Variants in SUPT3H observed in about 807,000 individuals in gnomAD.
SUPT3H encodes the protein SPT3 homolog, SAGA and STAGA complex component.
SUPT3H carries 44 observed loss-of-function variants against 44.3 expected under a neutral mutation model. The ratio of observed to expected loss-of-function variants is 0.99; its 90% confidence interval spans 0.78 to 1.28. The LOEUF (loss-of-function observed/expected upper bound fraction) is 1.28. Among genes scored for constraint, SUPT3H ranks in the 50% most tolerant of loss-of-function variants. The probability of loss-of-function intolerance (pLI) is 0.00; values close to 1 mark genes in which losing one functional copy is unlikely to be tolerated. For missense variants in SUPT3H, 380 were observed against 387.1 expected (o/e 0.98, Z 0.15); for synonymous variants, 124 against 125.6 (o/e 0.99, Z 0.09).
chr6:44,995,440 G>C (rs760171408), intron 6 of SUPT3H, among the ~76,000 whole-genome samples: 5 of 151,970 alleles, frequency 3.3e-5, no homozygotes, highest in Non-Finnish European at 7.4e-5. Flanking sequence ...ACATGCATAA[G>C]AAACAACTGC....
At chr6:44,894,996 T>C (rs1395096074) in intron 10 of SUPT3H, among the ~76,000 whole-genome samples, 2 of 151,954 alleles carry the variant, frequency 1.3e-5, no homozygotes, top group Non-Finnish European at 2.9e-5. Flanking sequence ...TCTAATGATG[T>C]TGATATAATG....
intron 2 of SUPT3H, among the ~76,000 whole-genome samples, chr6:45,143,583 C>T (rs576804494): frequency 2.0e-5 from 3 of 152,006 alleles, no homozygotes; most frequent in Admixed American, 6.6e-5. Flanking sequence ...GTATTAAATG[C>T]CTACATCAAA....
At chr6:45,156,600 CTT>C (rs960615068) in intron 2 of SUPT3H, among the ~76,000 whole-genome samples, 6 of 151,346 alleles carry the variant, frequency 4.0e-5, no homozygotes, top group African/African-American at 1.5e-4. Flanking sequence ...TTTCTGGAAT[CTT>C]TGTTTATAAA....
chr6:45,288,565 G>GTA (rs59842389), intron 2 of SUPT3H, among the ~76,000 whole-genome samples: 16 of 95,510 alleles, frequency 1.7e-4, no homozygotes, highest in Non-Finnish European at 2.9e-4. Flanking sequence ...ATATATATAT[G>GTA]TATATATATA....
At chr6:44,846,988 A>G (rs768361972) in intron 10 of SUPT3H, among the ~76,000 whole-genome samples, 9 of 152,282 alleles carry the variant, frequency 5.9e-5, no homozygotes, top group Middle Eastern at 3.4e-3. Context: ...GGAGTTTTTA[A>G]GGCTTACCGT....
At chr6:44,832,179 C>CAACTT (rs1768920705) in intron 10 of SUPT3H, among the ~76,000 whole-genome samples, 1 of 152,110 alleles carries the variant, frequency 6.6e-6, no homozygotes, top group Non-Finnish European at 1.5e-5. Flanking sequence ...CCAGAATAAG[C>CAACTT]AACTTTACAG....
At chr6:45,135,212 G>C (rs1804080148) in intron 2 of SUPT3H, among the ~76,000 whole-genome samples, 1 of 152,128 alleles carries the variant, frequency 6.6e-6, no homozygotes, top group Admixed American at 6.6e-5. Context: ...CAGAGTCTTA[G>C]CTTGCCTCAA....
At chr6:45,328,282 A>C in intron 2 of SUPT3H, 1 of 1,364,574 alleles carries the variant, frequency 7.3e-7, no homozygotes. Context: ...TGCTTGCAAA[A>C]AAAAGGAGTT....
intron 6 of SUPT3H, among the ~76,000 whole-genome samples, chr6:44,998,836 T>A (rs1781616802): frequency 6.6e-6 from 1 of 151,982 alleles, no homozygotes; most frequent in South Asian, 2.1e-4. Context: ...TTTAGTTGAA[T>A]GTTTGGTTTA....
intron 2 of SUPT3H, among the ~76,000 whole-genome samples, chr6:45,256,468 C>A (rs1773429322): frequency 1.3e-5 from 2 of 152,050 alleles, no homozygotes; most frequent in Non-Finnish European, 1.5e-5. Context: ...GCAGAGCCCT[C>A]ATTACCTAAT....
At chr6:45,043,142 T>TACACACACAC (rs59321114) in intron 3 of SUPT3H, among the ~76,000 whole-genome samples, 29,310 of 146,620 alleles carry the variant, frequency 0.2, 3,066 homozygotes, top group East Asian at 0.48. Flanking sequence ...CATACACACA[T>TACACACACAC]ACACACACAC....
chr6:45,182,244 CTTTT>C (rs1403696256), intron 2 of SUPT3H, among the ~76,000 whole-genome samples: 1 of 152,046 alleles, frequency 6.6e-6, no homozygotes, highest in African/African-American at 2.4e-5. Context: ...ATTTGTTTGC[CTTTT>C]TTATTTTTAT....
intron 10 of SUPT3H, among the ~76,000 whole-genome samples, chr6:44,839,887 A>G (rs1051089361): frequency 3.9e-5 from 6 of 152,090 alleles, no homozygotes; most frequent in Non-Finnish European, 7.4e-5. Context: ...TTTTTAGTAG[A>G]GATGGGGTTT....
intron 2 of SUPT3H, among the ~76,000 whole-genome samples, chr6:45,252,004 G>A (rs1772464787): frequency 6.6e-6 from 1 of 152,108 alleles, no homozygotes; most frequent in South Asian, 2.1e-4. Context: ...TTATAAATGG[G>A]GTGAGGGAGT....
Position 45,064,103 on chromosome 6 carries a change from C to T in SUPT3H, c.186+41819G>A, listed in dbSNP as rs1472951158. Among the ~76,000 whole-genome samples the T allele has an allele frequency of 2.9e-3, 146 of 50,312 alleles. No homozygotes were observed. In the East Asian group the frequency reaches 0.037, roughly 13 times the overall value. The allele number at this position is 50,312 out of a possible 152,430, so 33.0% of individuals were successfully genotyped here. ...AAAGGGAAGCCCATCAGACTAACAG[C>T]GGATCTCTTGGCAGAAACCCTACAA... is the stretch of plus-strand genomic sequence containing the variant. On this transcript the variant is annotated intron_variant, in intron 3 of 10. Coordinates refer to ENST00000371459, the MANE Select transcript of SUPT3H (RefSeq NM_003599.4).
rs1179077942 is a variant in SUPT3H, at chr6:45,281,927, C to T, written c.101+83274G>A. ...CGATCAGGCAACAACATTTGCTGCT[C>T]ACCAATATCTGCTGTTCTGCAGCAT... On this transcript the variant is annotated intron_variant, in intron 2 of 10. Coordinates refer to ENST00000371459, the MANE Select transcript of SUPT3H (RefSeq NM_003599.4). Among the ~76,000 whole-genome samples the T allele has an allele frequency of 2.6e-5, 4 of 152,192 alleles. No homozygotes were observed. The East Asian group carries it at 7.7e-4, about 29-fold the overall frequency.
intron 3 of SUPT3H, among the ~76,000 whole-genome samples, chr6:45,028,722 C>T (rs115413084): frequency 1.2e-3 from 180 of 151,938 alleles, no homozygotes; most frequent in African/African-American, 4.1e-3. Flanking sequence ...AAAACTATTA[C>T]TAAGTAATAC....
chr6:44,995,831 A>T (rs1215964079), intron 6 of SUPT3H, among the ~76,000 whole-genome samples: 3 of 151,912 alleles, frequency 2.0e-5, no homozygotes, highest in Non-Finnish European at 4.4e-5. Flanking sequence ...CATAACAGAG[A>T]TGGTAAATAT....
intron 2 of SUPT3H, among the ~76,000 whole-genome samples, chr6:45,330,719 CT>C (rs1051835312): frequency 6.7e-5 from 10 of 149,354 alleles, no homozygotes; most frequent in East Asian, 5.9e-4. Context: ...GGTAGTGAAC[CT>C]TTTTTTTTTC....
Sources: gnomAD v4.1 joint callset for allele counts (sites outside exome capture counted in the v4.1 genomes callset) on GRCh38, gnomAD v4.1.1 for gene constraint, MANE v1.5 for transcripts, NCBI Gene and HGNC (gene_info 2026-07-23, HGNC 2026-07-21) for gene names.